Variants in SPOCK1 observed in about 807,000 individuals in gnomAD.
SPOCK1 encodes the protein SPARC (osteonectin), cwcv and kazal like domains proteoglycan 1.
In SPOCK1, 23 loss-of-function variants were observed where a neutral mutation model predicts 55.3. The observed-to-expected ratio is 0.42, with a 90% CI of 0.30 to 0.59. SPOCK1 has a LOEUF of 0.59. Among genes scored for constraint, SPOCK1 ranks in the 20% least tolerant of loss-of-function variants. The probability of loss-of-function intolerance (pLI) is 0.22; values close to 1 mark genes in which losing one functional copy is unlikely to be tolerated. For synonymous variants in SPOCK1, 226 were observed against 221.0 expected (o/e 1.02, Z -0.20); for missense variants, 499 against 552.5 (o/e 0.90, Z 0.97).
At chr5:137,364,384 G>A (rs1421505467) in intron 2 of SPOCK1, among the ~76,000 whole-genome samples, 5 of 152,304 alleles carry the variant, frequency 3.3e-5, no homozygotes, top group African/African-American at 1.2e-4. Context: ...TGATTTATCT[G>A]CCAGTGGAAA....
At chr5:136,982,912 T>A (rs1750759581) in intron 9 of SPOCK1, among the ~76,000 whole-genome samples, 1 of 152,188 alleles carries the variant, frequency 6.6e-6, no homozygotes, top group Non-Finnish European at 1.5e-5. Context: ...GGGATAAATT[T>A]TAAATTGTAG....
chr5:137,134,806 A>C lies in SPOCK1; in HGVS notation c.347+5774T>G, dbSNP rs187121330. Among the ~76,000 whole-genome samples, 196 of 152,348 alleles carry C rather than the reference A, an allele frequency of 1.3e-3. 1 individual carries two copies. Among genetic ancestry groups the C allele is most frequent in the African/African-American group, 4.2e-3 (174 of 41,584 alleles). ...GAGATGAAATAACCGTCATCCTTTC[A>C]AATCTCCTCTGAGAGTTTGGTATTT... On this transcript the variant is annotated intron_variant, in intron 4 of 10. Transcript: ENST00000394945.
At chr5:137,254,831 G>A (rs1231310473) in intron 3 of SPOCK1, among the ~76,000 whole-genome samples, 1 of 152,192 alleles carries the variant, frequency 6.6e-6, no homozygotes, top group Non-Finnish European at 1.5e-5. Flanking sequence ...AACAAGACTG[G>A]CTCTGCCTGC....
At chr5:137,124,928 G>A (rs1753758996) in intron 4 of SPOCK1, among the ~76,000 whole-genome samples, 1 of 152,192 alleles carries the variant, frequency 6.6e-6, no homozygotes, top group South Asian at 2.1e-4. Flanking sequence ...CAAGAACAGG[G>A]CCACTTTCAC....
At chr5:137,016,802 C>T (rs931760905) in intron 6 of SPOCK1, among the ~76,000 whole-genome samples, 1 of 152,242 alleles carries the variant, frequency 6.6e-6, no homozygotes, top group Non-Finnish European at 1.5e-5. Flanking sequence ...GAGAGCAAAA[C>T]AATCAAAAAC....
chr5:137,127,042 A>G (rs75172577), intron 4 of SPOCK1, among the ~76,000 whole-genome samples: 3,282 of 152,346 alleles, frequency 0.022, 116 homozygotes, highest in African/African-American at 0.075. Flanking sequence ...ATGAGAAAAC[A>G]TGATCTAGAG....
At chr5:137,442,202 G>A (rs1258256585) in intron 2 of SPOCK1, among the ~76,000 whole-genome samples, 2 of 152,126 alleles carry the variant, frequency 1.3e-5, no homozygotes, top group African/African-American at 4.8e-5. Context: ...AAATGTTTTG[G>A]GTCATTCAAC....
chr5:137,087,827 G>A (rs1752985083), intron 5 of SPOCK1, among the ~76,000 whole-genome samples: 1 of 151,430 alleles, frequency 6.6e-6, no homozygotes, highest in Non-Finnish European at 1.5e-5. Context: ...TCAGGAAGCA[G>A]GGAGGAAGAA....
intron 4 of SPOCK1, among the ~76,000 whole-genome samples, chr5:137,124,648 C>G (rs1753747107): frequency 6.6e-6 from 1 of 152,194 alleles, no homozygotes; most frequent in Non-Finnish European, 1.5e-5. Context: ...CAATACCTGT[C>G]TCTCTCCTTT....
intron 2 of SPOCK1, among the ~76,000 whole-genome samples, chr5:137,480,440 A>T (rs1561546754): frequency 6.6e-6 from 1 of 152,094 alleles, no homozygotes; most frequent in Non-Finnish European, 1.5e-5. Context: ...TGATATACTA[A>T]TCCTATTATG....
intron 2 of SPOCK1, among the ~76,000 whole-genome samples, chr5:137,291,691 G>C (rs190323570): frequency 1.3e-5 from 2 of 152,216 alleles, no homozygotes; most frequent in African/African-American, 2.4e-5. Context: ...GCTGATGGGA[G>C]GCTTGGACAT....
In SPOCK1 at chr5:137,400,109, G is replaced by A. The variant is rs189617966; in HGVS notation, c.186+98264C>T. On this transcript the variant is annotated intron_variant, in intron 2 of 10. Transcript: ENST00000394945. ...AAAAGCCTGGCTTGCACACATGGGC[G>A]TTAAGTTAACTGGGATATTCTTGCC... Among the ~76,000 whole-genome samples, 324 of 152,328 alleles carry A rather than the reference G, an allele frequency of 2.1e-3. 1 individual carries two copies. The highest frequency in any genetic ancestry group is 3.5e-3 in the African/African-American group (145 of 41,576).
At chr5:137,351,797 T>C (rs748561180) in intron 2 of SPOCK1, among the ~76,000 whole-genome samples, 7 of 152,200 alleles carry the variant, frequency 4.6e-5, no homozygotes, top group Non-Finnish European at 7.4e-5. Flanking sequence ...AATGTTGTCA[T>C]ATAGATCAGA....
intron 2 of SPOCK1, among the ~76,000 whole-genome samples, chr5:137,490,250 G>C (rs1754146002): frequency 6.6e-6 from 1 of 152,182 alleles, no homozygotes; most frequent in Non-Finnish European, 1.5e-5. Flanking sequence ...TAATGATCTG[G>C]AACTGAAGAA....
At position 137,444,878 on chromosome 5, in the gene SPOCK1, C is replaced by G. The variant is rs563219738; in HGVS notation, c.186+53495G>C. On this transcript the variant is annotated intron_variant, in intron 2 of 10. Transcript: ENST00000394945. ...AGATACCAGGTTGTCCACCTCCCAG[C>G]TCCCAAGCTCACATGACACAAACCC... is the stretch of plus-strand genomic sequence containing the variant. Among the ~76,000 whole-genome samples, 31 of 152,348 alleles carry G rather than the reference C, an allele frequency of 2.0e-4. No homozygotes were observed. The South Asian group carries it at 6.2e-3, about 31-fold the overall frequency.
chr5:137,108,856 A>C (rs150903255), intron 5 of SPOCK1, among the ~76,000 whole-genome samples: 1,843 of 152,268 alleles, frequency 0.012, 18 homozygotes, highest in Admixed American at 0.018. Flanking sequence ...ATCCTTCTCA[A>C]ACCAGCTATT....
At chr5:137,008,295 T>TACACACACACACACACAC (rs141325417) in intron 6 of SPOCK1, among the ~76,000 whole-genome samples, 3 of 138,412 alleles carry the variant, frequency 2.2e-5, no homozygotes, top group South Asian at 2.5e-4. Context: ...TAATAATAAA[T>TACACACACACACACACAC]ACACACACAC....
At chr5:137,429,706 C>T (rs1240793330) in intron 2 of SPOCK1, among the ~76,000 whole-genome samples, 1 of 152,220 alleles carries the variant, frequency 6.6e-6, no homozygotes, top group Non-Finnish European at 1.5e-5. Context: ...AAACCCTGGA[C>T]TCTTAATCCA....
intron 2 of SPOCK1, chr5:137,313,349 A>C: frequency 1.1e-6 from 1 of 925,188 alleles, no homozygotes; most frequent in Non-Finnish European, 1.3e-6. Context: ...GGCACACAGA[A>C]GAGCCAGACA....
Sources: allele counts gnomAD v4.1 joint callset (sites outside exome capture counted in the v4.1 genomes callset), GRCh38; gene constraint gnomAD v4.1.1; transcripts MANE v1.5; gene names NCBI Gene and HGNC (gene_info 2026-07-23, HGNC 2026-07-21).